Variants in CDH12 observed in about 807,000 individuals in gnomAD.
CDH12 encodes cadherin 12.
A neutral mutation model predicts 74.1 loss-of-function variants in CDH12; 41 were observed. The ratio of observed to expected loss-of-function variants is 0.55; its 90% CI spans 0.43 to 0.72. CDH12 has a LOEUF of 0.72. Among genes scored for constraint, CDH12 ranks in the 30% least tolerant of loss-of-function variants. CDH12 has a pLI of 0.00. For missense variants in CDH12, 945 were observed against 977.2 expected (o/e 0.97, Z 0.44); for synonymous variants, 399 against 355.0 (o/e 1.12, Z -1.39).
intron 3 of CDH12, among the ~76,000 whole-genome samples, chr5:22,290,420 A>G (rs1018526748): frequency 6.6e-6 from 1 of 152,200 alleles, no homozygotes; most frequent in Non-Finnish European, 1.5e-5. Flanking sequence ...AAATGACCAA[A>G]ACGAGATATT....
chr5:22,774,593 AGAG>A (rs1288327156), intron 1 of CDH12, among the ~76,000 whole-genome samples: 1 of 152,082 alleles, frequency 6.6e-6, no homozygotes, highest in Non-Finnish European at 1.5e-5. Flanking sequence ...GGTTTTCAAA[AGAG>A]GAGTTCCCCT....
intron 5 of CDH12, among the ~76,000 whole-genome samples, chr5:22,007,929 A>G (rs1737058935): frequency 6.6e-6 from 1 of 152,132 alleles, no homozygotes; most frequent in South Asian, 2.1e-4. Flanking sequence ...TTTGTGTTGT[A>G]TATGTGTTGT....
intron 2 of CDH12, among the ~76,000 whole-genome samples, chr5:22,502,084 A>AT (rs1736181802): frequency 6.6e-6 from 1 of 152,070 alleles, no homozygotes; most frequent in Non-Finnish European, 1.5e-5. Flanking sequence ...AAAATAAAGG[A>AT]TTAGTGGAAT....
chr5:22,212,565 G>C lies in CDH12; in HGVS notation c.-254C>G, dbSNP rs1751603763. The C allele has an allele frequency of 1.0e-6, 1 of 985,586 alleles. No homozygotes were observed. Among genetic ancestry groups the C allele is most frequent in the East Asian group, 1.1e-4 (1 of 8,792 alleles). The allele number at this position is 985,586 out of a possible 1,614,324, so 61.1% of individuals were successfully genotyped here. On this transcript the variant is annotated 5_prime_UTR_variant, in exon 4 of 15. It adds an upstream start codon to the 5' untranslated region. Transcript: ENST00000382254. Reference sequence around the variant, plus strand: ...AAATCAACCGTGAATGGGGTGGGGAGATCGAAGTTTTCAATCAACACCCTC... The same window carrying C: ...AAATCAACCGTGAATGGGGTGGGGACATCGAAGTTTTCAATCAACACCCTC...
chr5:22,125,179 G>C (rs2150280339), intron 4 of CDH12, among the ~76,000 whole-genome samples: 1 of 152,020 alleles, frequency 6.6e-6, no homozygotes, highest in Admixed American at 6.5e-5. Flanking sequence ...TACCATGGTG[G>C]TTTGCTGTAC....
At chr5:22,288,004 T>A (rs1440883813) in intron 3 of CDH12, among the ~76,000 whole-genome samples, 7 of 152,094 alleles carry the variant, frequency 4.6e-5, no homozygotes, top group Non-Finnish European at 8.8e-5. Flanking sequence ...ATCAAATAAA[T>A]CCTGAATGGT....
intron 2 of CDH12, among the ~76,000 whole-genome samples, chr5:22,438,902 A>T (rs1450754052): frequency 6.6e-6 from 1 of 151,830 alleles, no homozygotes; most frequent in Non-Finnish European, 1.5e-5. Context: ...CTTAATATAT[A>T]TCTTTAAAAT....
At chr5:22,744,274 A>C (rs1380627824) in intron 1 of CDH12, among the ~76,000 whole-genome samples, 4 of 151,976 alleles carry the variant, frequency 2.6e-5, no homozygotes. Context: ...CTAAAAATAC[A>C]AAAAATTAGC....
chr5:22,461,030 C>CTTTTTTTTTTT (rs34555692), intron 2 of CDH12, among the ~76,000 whole-genome samples: 1 of 63,558 alleles, frequency 1.6e-5, no homozygotes, highest in Non-Finnish European at 2.8e-5. Flanking sequence ...CAATGTCTAG[C>CTTTTTTTTTTT]TTTTTTTTTT....
At chr5:21,760,864 G>T (rs909004245) in intron 12 of CDH12, among the ~76,000 whole-genome samples, 189 bp from the exon 13 acceptor site, 2 of 152,042 alleles carry the variant, frequency 1.3e-5, no homozygotes, top group African/African-American at 4.8e-5. Flanking sequence ...AATAACGACA[G>T]GTACAATTAT....
At chr5:22,677,308 A>T (rs1402723069) in intron 1 of CDH12, among the ~76,000 whole-genome samples, 1 of 152,138 alleles carries the variant, frequency 6.6e-6, no homozygotes, top group Non-Finnish European at 1.5e-5. Context: ...TTTATTGCGC[A>T]CAGTTACAGA....
chr5:22,823,566 C>G (rs1041084664), intron 1 of CDH12, among the ~76,000 whole-genome samples: 2 of 151,930 alleles, frequency 1.3e-5, no homozygotes, highest in African/African-American at 4.8e-5. Context: ...CTTCATTAGC[C>G]GCATGAAAAC....
chr5:22,840,642 A>T (rs944111668), intron 1 of CDH12, among the ~76,000 whole-genome samples: 1 of 152,048 alleles, frequency 6.6e-6, no homozygotes, highest in Non-Finnish European at 1.5e-5. Flanking sequence ...GAAATATATG[A>T]GCACACAAGA....
In CDH12 at chr5:21,751,764, C is replaced by A. The variant is rs1744082541; in HGVS notation, c.2358G>T (p.Glu786Asp). 1.2e-6 allele frequency: 2 copies of A among 1,613,704 alleles called. No homozygotes were observed. The highest frequency in any genetic ancestry group is 1.7e-5 in the Admixed American group (1 of 59,970). The stretch of plus-strand genomic sequence containing the variant: ...AAGTGACTTTATCAGGGTTATAACT[C>A]TCTTCTTCGCCAAACATGTCTGCCA... ...KVLADMFGEE[E>D]SYNPDKVT Residue 786 changes from glutamate to aspartate, a missense_variant, in exon 15 of 15, where the codon GAG becomes GAT. Coordinates refer to ENST00000382254, the MANE Select transcript of CDH12 (RefSeq NM_004061.5).
chr5:21,858,495 T>C (rs1381664227), intron 6 of CDH12, among the ~76,000 whole-genome samples: 1 of 151,978 alleles, frequency 6.6e-6, no homozygotes, highest in African/African-American at 2.4e-5. Context: ...TATAATATCT[T>C]ATATGGTCAG....
chr5:22,583,002 G>A (rs1466220133), intron 1 of CDH12, among the ~76,000 whole-genome samples: 1 of 152,048 alleles, frequency 6.6e-6, no homozygotes, highest in Non-Finnish European at 1.5e-5. Flanking sequence ...TAACAACTGG[G>A]CCAGTAGAGA....
chr5:22,852,750 A>G (rs537262672), intron 1 of CDH12, among the ~76,000 whole-genome samples: 2 of 152,312 alleles, frequency 1.3e-5, no homozygotes, highest in Admixed American at 6.5e-5. Flanking sequence ...CATCTAGCAC[A>G]CCTACTTATT....
intron 4 of CDH12, among the ~76,000 whole-genome samples, chr5:22,164,575 A>C (rs1229455644): frequency 1.3e-5 from 2 of 151,978 alleles, no homozygotes; most frequent in East Asian, 3.9e-4. Context: ...AAGATTTAAT[A>C]GAGTGAAATA....
At chr5:22,332,145 T>A (rs1230465308) in intron 3 of CDH12, among the ~76,000 whole-genome samples, 5 of 151,816 alleles carry the variant, frequency 3.3e-5, no homozygotes, top group African/African-American at 1.2e-4. Context: ...GATACCAATA[T>A]CAAAGCACAA....
Sources: allele counts gnomAD v4.1 joint callset (sites outside exome capture counted in the v4.1 genomes callset), GRCh38; gene constraint gnomAD v4.1.1; transcripts MANE v1.5; gene names NCBI Gene and HGNC (gene_info 2026-07-23, HGNC 2026-07-21).